YAP1: variants seen among roughly 807,000 people sequenced by gnomAD.
YAP1 encodes the protein transcriptional coactivator YAP1.
In YAP1, 5 loss-of-function variants were observed where a neutral mutation model predicts 56.9. The observed-to-expected ratio is 0.09, with a 90% CI of 0.05 to 0.18. The LOEUF (loss-of-function observed/expected upper bound fraction) is 0.18, where lower values mean the gene tolerates loss of function less well. Ranked by LOEUF, YAP1 falls within the 10% of genes least tolerant of loss-of-function variation. YAP1 has a pLI of 1.00. For synonymous variants in YAP1, 265 were observed against 248.1 expected, an observed-to-expected ratio of 1.07 and a Z score of -0.64; for missense variants, 539 against 651.8, an observed-to-expected ratio of 0.83 and a Z score of 1.88.
At chr11:102,157,697 C>T (rs1403727773) in intron 2 of YAP1, among the ~76,000 whole-genome samples, 2 of 152,166 alleles carry the variant, frequency 1.3e-5, no homozygotes, top group Non-Finnish European at 2.9e-5. Flanking sequence ...CAAGTTTTCT[C>T]ACTTTTCTTC....
intron 4 of YAP1, among the ~76,000 whole-genome samples, chr11:102,199,081 C>G (rs1432678885): frequency 1.3e-5 from 2 of 152,104 alleles, no homozygotes; most frequent in East Asian, 3.9e-4. Context: ...TGGAATTCGT[C>G]TGTAGGAGTC....
intron 2 of YAP1, among the ~76,000 whole-genome samples, chr11:102,123,059 G>A (rs1943779788): frequency 6.6e-6 from 1 of 151,940 alleles, no homozygotes; most frequent in Admixed American, 6.6e-5. Context: ...GTGTTACATT[G>A]CTATTTCTTG....
At chr11:102,127,430 G>T (rs1228778220) in intron 2 of YAP1, among the ~76,000 whole-genome samples, 1 of 152,226 alleles carries the variant, frequency 6.6e-6, no homozygotes, top group African/African-American at 2.4e-5. Context: ...GGCTTCAGAG[G>T]TTGGAAGCCC....
rs141016930 is a variant in YAP1 at position 102,130,777 on chromosome 11, A to G, written c.572+16383A>G. ...AAAAAAACTGGTAAAGAGTTGTCCA[A>G]ATACAGATGTTTCTATTTTTCCTCT... On this transcript the variant is annotated intron_variant, in intron 2 of 8. Coordinates refer to ENST00000282441, the MANE Select transcript of YAP1 (RefSeq NM_001130145.3). Among the ~76,000 whole-genome samples the G allele has an allele frequency of 3.0e-3, 436 of 146,252 alleles. 3 individuals carry two copies. The highest frequency in any genetic ancestry group is 5.2e-3 in the Non-Finnish European group (351 of 66,998).
chr11:102,114,611 C>T (rs997239511), intron 2 of YAP1, among the ~76,000 whole-genome samples: 7 of 152,066 alleles, frequency 4.6e-5, no homozygotes, highest in Admixed American at 2.0e-4. Context: ...TTTACTGAGT[C>T]TTGGTTCTGA....
intron 2 of YAP1, among the ~76,000 whole-genome samples, chr11:102,128,778 ATTC>A: frequency 1.3e-5 from 2 of 152,308 alleles, no homozygotes; most frequent in Admixed American, 1.3e-4. Flanking sequence ...TATAATTTCT[ATTC>A]TTATGTATGA....
intron 2 of YAP1, among the ~76,000 whole-genome samples, chr11:102,116,732 A>T (rs2135129613): frequency 6.6e-6 from 1 of 152,260 alleles, no homozygotes; most frequent in Non-Finnish European, 1.5e-5. Context: ...GGGAACTTTT[A>T]TGTGGGAGTA....
chr11:102,160,069 G>A (rs1946178115), intron 2 of YAP1, among the ~76,000 whole-genome samples: 1 of 145,024 alleles, frequency 6.9e-6, no homozygotes, highest in South Asian at 2.2e-4. Context: ...TGTTGCCCAG[G>A]CTGGAGTGCA....
At chr11:102,212,159 A>T (rs1405685762) in intron 6 of YAP1, among the ~76,000 whole-genome samples, 2 of 152,196 alleles carry the variant, frequency 1.3e-5, no homozygotes, top group Non-Finnish European at 1.5e-5. Flanking sequence ...CTGGGTTTTT[A>T]ACTTATACTT....
intron 3 of YAP1, among the ~76,000 whole-genome samples, chr11:102,167,561 C>T (rs182458531): frequency 7.9e-5 from 12 of 152,214 alleles, no homozygotes; most frequent in East Asian, 7.7e-4. Flanking sequence ...GGTGAAACCC[C>T]GTCTCCACTA....
intron 4 of YAP1, among the ~76,000 whole-genome samples, chr11:102,202,419 TC>T (rs1235017335): frequency 6.6e-6 from 1 of 151,166 alleles, no homozygotes; most frequent in Non-Finnish European, 1.5e-5. Context: ...GACCTCGTGA[TC>T]CGCCTGTCTC....
At chr11:102,124,275 G>T (rs12417236) in intron 2 of YAP1, among the ~76,000 whole-genome samples, 5,463 of 152,170 alleles carry the variant, frequency 0.036, 186 homozygotes, top group Admixed American at 0.094. Context: ...CTAGCTTCCA[G>T]TTTGCTAATT....
chr11:102,222,439 G>A (rs1276149097), intron 6 of YAP1, among the ~76,000 whole-genome samples: 1 of 152,150 alleles, frequency 6.6e-6, no homozygotes, highest in Non-Finnish European at 1.5e-5. Context: ...AGTGTGCTAC[G>A]GATGGGTCAC....
At chr11:102,152,827 T>C (rs1945738648) in intron 2 of YAP1, among the ~76,000 whole-genome samples, 1 of 152,230 alleles carries the variant, frequency 6.6e-6, no homozygotes, top group Non-Finnish European at 1.5e-5. Context: ...TTAACAGCCT[T>C]TCTTGGAAAT....
rs1214871378 is a variant in YAP1, at chr11:102,230,063, A to C, written c.*123A>C. 2.5e-6 allele frequency: 2 copies of C among 795,330 alleles called. No individual in the cohort carries two copies. Among genetic ancestry groups the C allele is most frequent in the East Asian group, 4.9e-5 (2 of 40,810 alleles). 49.3% of individuals were successfully genotyped at this position (795,330 alleles called of 1,614,324 possible). A position where few individuals can be genotyped will look rare whatever the true frequency, so the allele number is the denominator to read the frequency against. ...AGAAAAAGATGAACAAACGTCCAGC[A>C]AGATACTTTAATCCTCTATTTTGCT... On this transcript the variant is annotated 3_prime_UTR_variant, in exon 9 of 9. Coordinates refer to ENST00000282441, the MANE Select transcript of YAP1 (RefSeq NM_001130145.3).
chr11:102,135,672 A>G (rs1944633968), intron 2 of YAP1, among the ~76,000 whole-genome samples: 1 of 152,240 alleles, frequency 6.6e-6, no homozygotes, highest in Non-Finnish European at 1.5e-5. Context: ...CAGGCCAATC[A>G]CCAAGACCAG....
chr11:102,173,597 TTCTC>T (rs1947051596), intron 3 of YAP1, among the ~76,000 whole-genome samples: 1 of 152,186 alleles, frequency 6.6e-6, no homozygotes, highest in Non-Finnish European at 1.5e-5. Flanking sequence ...CGTGTTTTAA[TTCTC>T]TCAATGATCT....
intron 2 of YAP1, among the ~76,000 whole-genome samples, chr11:102,157,728 T>C (rs1206513480): frequency 6.6e-6 from 1 of 152,248 alleles, no homozygotes; most frequent in Admixed American, 6.5e-5. Flanking sequence ...GTGACTTGGT[T>C]GTCCTGATGT....
intron 7 of YAP1, among the ~76,000 whole-genome samples, 158 bp from the exon 8 acceptor site, chr11:102,227,311 A>G (rs778775697): frequency 1.1e-4 from 16 of 152,198 alleles, no homozygotes; most frequent in Non-Finnish European, 1.3e-4. Flanking sequence ...AGCCCTGTCT[A>G]TGGCCCTGAG....
Sources: allele counts gnomAD v4.1 joint callset (sites outside exome capture counted in the v4.1 genomes callset), GRCh38; gene constraint gnomAD v4.1.1; transcripts MANE v1.5; gene names NCBI Gene and HGNC (gene_info 2026-07-23, HGNC 2026-07-21).